DNAH3: variants seen among roughly 807,000 people sequenced by gnomAD.
The protein encoded by DNAH3 is axonemal beta dynein heavy chain 3.
Under a neutral mutation model 432.5 loss-of-function variants are expected in DNAH3, and 332 were observed. That is an observed-to-expected ratio of 0.77 (90% CI 0.70 to 0.84). The LOEUF is 0.84. Ranked by LOEUF, DNAH3 falls within the 40% of genes least tolerant of loss-of-function variation. The pLI, the probability that DNAH3 is intolerant of heterozygous loss-of-function variation, is 0.00. For missense variants in DNAH3, 4,861 were observed against 5,114.0 expected, an observed-to-expected ratio of 0.95 and a Z score of 1.51; for synonymous variants, 1,956 against 1,900.2, an observed-to-expected ratio of 1.03 and a Z score of -0.76.
At chr16:21,117,374 A>G (rs1567819532) in intron 11 of DNAH3, 35 bp from the exon 12 acceptor site, 2 of 1,214,996 alleles carry the variant, frequency 1.6e-6, no homozygotes, top group South Asian at 1.3e-5. Flanking sequence ...ATGTTGCAAG[A>G]CTTAAGAAGG....
At chr16:21,035,928 C>A (rs552047501) in intron 35 of DNAH3, among the ~76,000 whole-genome samples, 1 of 152,052 alleles carries the variant, frequency 6.6e-6, no homozygotes, top group Non-Finnish European at 1.5e-5. Flanking sequence ...CTGATGATGA[C>A]GGAGATGGTG....
intron 28 of DNAH3, among the ~76,000 whole-genome samples, chr16:21,053,891 C>T (rs1260037399): frequency 6.6e-6 from 1 of 151,890 alleles, no homozygotes; most frequent in Non-Finnish European, 1.5e-5. Flanking sequence ...GGAAGGCATC[C>T]TCTCTCACCA....
At chr16:21,140,821 C>T in intron 4 of DNAH3, 111 bp from the exon 6 acceptor site, 2 of 921,744 alleles carry the variant, frequency 2.2e-6, no homozygotes, top group Non-Finnish European at 3.3e-6. Context: ...AGAAGCCTCT[C>T]TCCTCTGTGT....
At chr16:21,153,543 G>A (rs1318666607) in intron 1 of DNAH3, among the ~76,000 whole-genome samples, 1 of 152,222 alleles carries the variant, frequency 6.6e-6, no homozygotes, top group Non-Finnish European at 1.5e-5. Context: ...GCCCGGGCCA[G>A]CAGTGGCAAG....
chr16:21,136,395 AG>A lies in DNAH3; in HGVS notation c.814del (p.Leu272TrpfsTer4), dbSNP rs2092643262. On this transcript the variant is annotated frameshift_variant, in exon 6 of 62. Coordinates refer to ENST00000261383, the Ensembl canonical transcript of DNAH3. LOFTEE classifies it high-confidence loss of function. Reference sequence around the variant, plus strand: ...CACGAGGACCACCATCAGGGGCTCCAGGAAGGGACTCGTCAGCAGCGTGTTA... The same window carrying A: ...CACGAGGACCACCATCAGGGGCTCCAGAAGGGACTCGTCAGCAGCGTGTTA... The A allele has an allele frequency of 3.1e-6, 5 of 1,613,962 alleles. No individual in the cohort carries two copies. Among genetic ancestry groups the A allele is most frequent in the Non-Finnish European group, 4.2e-6 (5 of 1,179,934 alleles).
chr16:20,975,292 G>A (rs1555515042), exon 51 of DNAH3: 2 of 1,614,132 alleles, frequency 1.2e-6, no homozygotes, highest in South Asian at 1.1e-5. Context: ...GCCTGCACCA[G>A]AAGTTTCTTT....
intron 12 of DNAH3, among the ~76,000 whole-genome samples, chr16:21,115,850 A>AATTC (rs1484502584): frequency 1.8e-4 from 27 of 152,302 alleles, no homozygotes; most frequent in African/African-American, 6.3e-4. Context: ...TCCCAAATCA[A>AATTC]ATTCACGAGG....
intron 29 of DNAH3, among the ~76,000 whole-genome samples, chr16:21,050,677 C>G (rs898992690): frequency 1.3e-5 from 2 of 152,208 alleles, no homozygotes; most frequent in African/African-American, 4.8e-5. Flanking sequence ...CTTCTGGGAT[C>G]AAGTGATCCA....
At chr16:21,116,320 G>T (rs528523908) in intron 12 of DNAH3, among the ~76,000 whole-genome samples, 1 of 151,904 alleles carries the variant, frequency 6.6e-6, no homozygotes, top group Admixed American at 6.6e-5. Context: ...GGAAGGACTC[G>T]GTGGGAGGTA....
chr16:21,042,129 G>C (rs1434864803), exon 32 of DNAH3: 2 of 1,613,490 alleles, frequency 1.2e-6, no homozygotes, highest in South Asian at 2.2e-5. Flanking sequence ...CTTCAAAGAT[G>C]AATGTCTTTA....
chr16:21,070,958 C>A, intron 21 of DNAH3, 132 bp from the exon 22 acceptor site: 1 of 598,572 alleles, frequency 1.7e-6, no homozygotes, highest in Non-Finnish European at 3.0e-6. Context: ...AATCCTAGCT[C>A]ACTGCAGCCT....
intron 27 of DNAH3, among the ~76,000 whole-genome samples, chr16:21,056,657 G>T (rs935881024): frequency 1.3e-5 from 2 of 152,178 alleles, no homozygotes; most frequent in African/African-American, 4.8e-5. Flanking sequence ...TGGAGGAAGG[G>T]AAGGATGATT....
intron 53 of DNAH3, among the ~76,000 whole-genome samples, chr16:20,962,340 T>C (rs80230602): frequency 0.026 from 3,900 of 152,220 alleles, 183 homozygotes; most frequent in African/African-American, 0.089. Flanking sequence ...AATTCGTGGG[T>C]CTCACCCCAA....
At chr16:21,060,938 A>G (rs1379444869) in intron 25 of DNAH3, among the ~76,000 whole-genome samples, 1 of 150,968 alleles carries the variant, frequency 6.6e-6, no homozygotes, top group Non-Finnish European at 1.5e-5. Flanking sequence ...CCTGGGCCCA[A>G]GTGACTCTCC....
At chr16:21,041,087 G>T (rs2089421008) in intron 32 of DNAH3, among the ~76,000 whole-genome samples, 1 of 151,948 alleles carries the variant, frequency 6.6e-6, no homozygotes, top group East Asian at 1.9e-4. Flanking sequence ...AATGAGAAAT[G>T]TGGCTGGGAC....
Position 20,964,315 on chromosome 16 carries a change from C to A in DNAH3, c.9569G>T (p.Cys3190Phe), listed in dbSNP as rs752548613. 6.2e-6 allele frequency: 10 copies of A among 1,614,170 alleles called. No homozygotes were observed. The Admixed American group carries it at 1.5e-4, about 24-fold the overall frequency. ...GGGGGTGATCATGAAGTTGAGGAGA[C>A]AGACCTTCACGGCAACTTCTGGGAG... The change falls in exon 53 of 62, where the codon TGT becomes TTT. Residue 3190 changes from cysteine to phenylalanine, a missense_variant. Transcript: ENST00000261383.
At chr16:20,948,024 C>G (rs12924720) in intron 57 of DNAH3, among the ~76,000 whole-genome samples, 30,002 of 152,152 alleles carry the variant, frequency 0.2, 3,860 homozygotes, top group Non-Finnish European at 0.28. Flanking sequence ...GATCCACCCG[C>G]CTCAGCCTCC....
rs768853885 is a variant in DNAH3, at chr16:21,036,788, G to C, written c.5011C>G (p.Leu1671Val). The C allele has an allele frequency of 2.7e-5, 43 of 1,613,066 alleles. No homozygotes were observed. The Admixed American group carries it at 7.2e-4, about 27-fold the overall frequency. The change falls in exon 35 of 62, where the codon CTG becomes GTG. Residue 1671 changes from leucine (L) to valine (V), a missense_variant. Transcript: ENST00000261383. ...TTGATGTTATCATTCAGCACTTTCA[G>C]AAAAACTTCATAGTCTGGCTTTGGA...
At chr16:21,140,604 C>A (rs770877881) in exon 5 of DNAH3, 2 of 1,614,142 alleles carry the variant, frequency 1.2e-6, no homozygotes, top group Non-Finnish European at 8.5e-7. Context: ...AACATGACAT[C>A]GAGCTGCTGT....
Sources: allele counts gnomAD v4.1 joint callset (sites outside exome capture counted in the v4.1 genomes callset), GRCh38; gene constraint gnomAD v4.1.1; transcripts MANE v1.5; gene names NCBI Gene and HGNC (gene_info 2026-07-23, HGNC 2026-07-21).